Variants in POMK observed in about 807,000 individuals in gnomAD.
POMK encodes protein O-mannose kinase, also known as Sugen kinase 196.
POMK carries 19 observed loss-of-function variants against 23.0 expected under a neutral mutation model. That is an observed-to-expected ratio of 0.83 (90% CI 0.58 to 1.21). The LOEUF (loss-of-function observed/expected upper bound fraction) is 1.21. Ranked by LOEUF, POMK falls within the 50% of genes most tolerant of loss-of-function variation. The pLI, the probability that POMK is intolerant of heterozygous loss-of-function variation, is 0.00. For synonymous variants in POMK, 173 were observed against 171.6 expected, an observed-to-expected ratio of 1.01 and a Z score of -0.06; for missense variants, 410 against 431.3, an observed-to-expected ratio of 0.95 and a Z score of 0.44.
At chr8:43,107,603 G>T (rs1003044235) in intron 4 of POMK, among the ~76,000 whole-genome samples, 2 of 152,062 alleles carry the variant, frequency 1.3e-5, no homozygotes, top group African/African-American at 4.8e-5. Context: ...TCGAACTCCT[G>T]ACCTCGTGAT....
At chr8:43,104,661 A>T (rs1417465793) in intron 4 of POMK, among the ~76,000 whole-genome samples, 6 of 152,196 alleles carry the variant, frequency 3.9e-5, no homozygotes, top group Non-Finnish European at 8.8e-5. Context: ...AAATACAAAA[A>T]TGGTCAGGCG....
Position 43,103,639 on chromosome 8 carries a change from A to C in POMK, c.91A>C (p.Asn31His). Residue 31 changes from asparagine (N) to histidine (H), a missense_variant, in exon 4 of 5, where the codon AAT becomes CAT. Asn to His is a moderately conservative substitution (Grantham distance 68). Coordinates refer to ENST00000331373, the MANE Select transcript of POMK (RefSeq NM_032237.5). ...GCTGCTGCTGATCATGGCCCTGATG[A>C]ATACTCTGCTCTACCTCTGCCTCGA... is the stretch of plus-strand genomic sequence containing the variant. ...VGLLLIMALM[N>H]TLLYLCLDHF... 1 of 1,613,804 alleles carries C rather than the reference A, an allele frequency of 6.2e-7. No homozygotes were observed. Among genetic ancestry groups the C allele is most frequent in the Non-Finnish European group, 8.5e-7 (1 of 1,180,000 alleles).
intron 4 of POMK, among the ~76,000 whole-genome samples, chr8:43,105,339 G>T (rs1490125720): frequency 6.6e-6 from 1 of 152,132 alleles, no homozygotes; most frequent in East Asian, 1.9e-4. Flanking sequence ...CCTCGCCTTT[G>T]CTCTACCCTT....
At position 43,123,080 on chromosome 8, in the gene POMK, G is replaced by A; in HGVS notation, c.*203G>A. 1.8e-6 allele frequency: 1 copy of A among 551,388 alleles called. No homozygotes were observed. The highest frequency in any genetic ancestry group is 3.2e-6 in the Non-Finnish European group (1 of 312,366). 34.2% of individuals were successfully genotyped at this position (551,388 alleles called of 1,614,324 possible). ...AGATTTTTTTTTTTTTCTTTGAGATGCGGTCTTGCTCTGTTGCTGAGGCTG... is the reference window on the plus strand; with the variant it reads ...AGATTTTTTTTTTTTTCTTTGAGATACGGTCTTGCTCTGTTGCTGAGGCTG... On this transcript the variant is annotated 3_prime_UTR_variant, in exon 5 of 5. Transcript: ENST00000331373.
Position 43,103,608 on chromosome 8 carries a change from T to A in POMK, c.60T>A (p.Ala20=). 1 of 1,613,008 alleles carries A rather than the reference T, an allele frequency of 6.2e-7. No individual in the cohort carries two copies. Among genetic ancestry groups the A allele is most frequent in the Non-Finnish European group, 8.5e-7 (1 of 1,179,790 alleles). ...TCGCCCCCCGAGAGGTGCCGCCAGC[T>A]GTTGGGCTGCTGCTGATCATGGCCC... ...RGLAPREVPP[A]VGLLLIMALM... is the part of the protein sequence containing the mutation. Residue 20 remains alanine, a synonymous_variant, in exon 4 of 5, where the codon GCT becomes GCA. Transcript: ENST00000331373.
At chr8:43,115,259 G>A (rs949555355) in intron 4 of POMK, among the ~76,000 whole-genome samples, 1 of 151,972 alleles carries the variant, frequency 6.6e-6, no homozygotes, top group African/African-American at 2.4e-5. Flanking sequence ...TGGACCTCTC[G>A]TCTTCTGTGC....
intron 4 of POMK, among the ~76,000 whole-genome samples, chr8:43,114,484 A>G (rs966169841): frequency 6.6e-6 from 1 of 152,196 alleles, no homozygotes; most frequent in Non-Finnish European, 1.5e-5. Context: ...TTAGGGTGGG[A>G]GTGCCCTGAT....
intron 2 of POMK, among the ~76,000 whole-genome samples, chr8:43,099,115 T>G (rs1811389855): frequency 6.6e-6 from 1 of 152,138 alleles, no homozygotes; most frequent in Non-Finnish European, 1.5e-5. Flanking sequence ...CCTGGCTAAT[T>G]TTTAAATTTA....
At chr8:43,096,870 T>G (rs1224120389) in intron 1 of POMK, among the ~76,000 whole-genome samples, 1 of 152,188 alleles carries the variant, frequency 6.6e-6, no homozygotes, top group Non-Finnish European at 1.5e-5. Context: ...AAAAAACTGG[T>G]TGCAGGAGGA....
At chr8:43,094,656 C>G (rs957486712) in intron 1 of POMK, among the ~76,000 whole-genome samples, 9 of 152,196 alleles carry the variant, frequency 5.9e-5, no homozygotes, top group African/African-American at 2.2e-4. Flanking sequence ...CAATGGAATT[C>G]TACTCTAAAC....
At chr8:43,104,476 T>G (rs1007323204) in intron 4 of POMK, among the ~76,000 whole-genome samples, 2 of 152,184 alleles carry the variant, frequency 1.3e-5, no homozygotes, top group Non-Finnish European at 2.9e-5. Context: ...ACAAAACTTT[T>G]AGAATAGTTC....
chr8:43,114,983 T>C (rs1586677240), intron 4 of POMK, among the ~76,000 whole-genome samples: 2 of 152,226 alleles, frequency 1.3e-5, no homozygotes, highest in East Asian at 3.8e-4. Context: ...GGGCCTGTTG[T>C]ATAGTACATT....
At chr8:43,101,802 G>A (rs1811448643) in intron 2 of POMK, among the ~76,000 whole-genome samples, 1 of 152,194 alleles carries the variant, frequency 6.6e-6, no homozygotes, top group African/African-American at 2.4e-5. Flanking sequence ...TAAAAAAGGA[G>A]TCTTCATCCA....
At chr8:43,116,665 C>G (rs1811805288) in intron 4 of POMK, among the ~76,000 whole-genome samples, 1 of 152,050 alleles carries the variant, frequency 6.6e-6, no homozygotes, top group African/African-American at 2.4e-5. Flanking sequence ...GGCACTGATC[C>G]CCCACATAAT....
chr8:43,103,931 C>CT, intron 4 of POMK, 101 bp downstream of exon 4: 1 of 1,217,660 alleles, frequency 8.2e-7, no homozygotes, highest in South Asian at 1.4e-5. Context: ...GAATTTCATC[C>CT]TTTGTTACTG....
rs143328540 is a variant in POMK at position 43,107,776 on chromosome 8, G to A, written c.282+3946G>A. Among the ~76,000 whole-genome samples, 89 of 152,212 alleles carry A rather than the reference G, an allele frequency of 5.8e-4. No individual in the cohort carries two copies. In the East Asian group the frequency reaches 6.2e-3, roughly 11 times the overall value. ...GCTTACTGCAACCTCCGCCTCCCGG[G>A]TTCAAGCAATTCTTCTGCCTCAGCC... On this transcript the variant is annotated intron_variant, in intron 4 of 4. Coordinates refer to ENST00000331373, the MANE Select transcript of POMK (RefSeq NM_032237.5).
chr8:43,093,915 C>G (rs1240507809), intron 1 of POMK, among the ~76,000 whole-genome samples: 2 of 152,214 alleles, frequency 1.3e-5, no homozygotes, highest in Admixed American at 6.5e-5. Context: ...ACTTCTGTCT[C>G]CGTAAAAAAG....
chr8:43,106,509 C>CTTTTTTTTTTTT (rs1221471764), intron 4 of POMK, among the ~76,000 whole-genome samples: 4 of 115,218 alleles, frequency 3.5e-5, no homozygotes, highest in African/African-American at 6.5e-5. Context: ...TTTACTTTTG[C>CTTTTTTTTTTTT]TTTTTTTTTT....
Position 43,122,562 on chromosome 8 carries a change from C to T in POMK, c.738C>T (p.His246=). ...CCGGGATGCTGGTGAAGTGCGGCCA[C>T]AGGGAGCTGCATGGGGATTTCGTGG... ...HSSGMLVKCG[H]RELHGDFVAP... Residue 246 remains histidine (H), a synonymous_variant, in exon 5 of 5, where the codon CAC becomes CAT. Coordinates refer to ENST00000331373, the MANE Select transcript of POMK (RefSeq NM_032237.5). The T allele has an allele frequency of 6.2e-7, 1 of 1,614,232 alleles. No individual in the cohort carries two copies. The highest frequency in any genetic ancestry group is 1.6e-4 in the Middle Eastern group (1 of 6,062).
Sources: allele counts gnomAD v4.1 joint callset (sites outside exome capture counted in the v4.1 genomes callset), GRCh38; gene constraint gnomAD v4.1.1; transcripts MANE v1.5; gene names NCBI Gene and HGNC (gene_info 2026-07-23, HGNC 2026-07-21).